The following CFAP299 variants were observed in gnomAD, a reference collection of about 807,000 sequenced individuals.
The protein encoded by CFAP299 is cilia- and flagella-associated protein 299.
In CFAP299, 21 loss-of-function variants were observed where a neutral mutation model predicts 27.0. That is an observed-to-expected ratio of 0.78 (90% confidence interval 0.55 to 1.12). The LOEUF is 1.12. CFAP299 is among the 50% of genes most tolerant of loss of function. CFAP299 has a pLI of 0.00. For synonymous variants in CFAP299, 104 were observed against 98.1 expected (o/e 1.06, Z -0.36); for missense variants, 310 against 276.6 (o/e 1.12, Z -0.86).
At chr4:80,733,346 G>A (rs1260527638) in intron 3 of CFAP299, among the ~76,000 whole-genome samples, 2 of 151,960 alleles carry the variant, frequency 1.3e-5, no homozygotes, top group African/African-American at 4.8e-5. Context: ...TTAATAGTTG[G>A]TGCATATATT....
chr4:80,783,785 C>T (rs895352284), intron 3 of CFAP299, among the ~76,000 whole-genome samples: 5 of 152,076 alleles, frequency 3.3e-5, no homozygotes, highest in South Asian at 2.1e-4. Context: ...TGTAATATTG[C>T]AACCTTGCTC....
At chr4:80,839,733 TG>T (rs1402233115) in intron 3 of CFAP299, among the ~76,000 whole-genome samples, 5 of 150,924 alleles carry the variant, frequency 3.3e-5, no homozygotes, top group African/African-American at 1.2e-4. Flanking sequence ...CAAACTTCTT[TG>T]AAAAAAAAAA....
intron 2 of CFAP299, among the ~76,000 whole-genome samples, chr4:80,368,065 T>A (rs1723933405): frequency 6.6e-6 from 1 of 152,192 alleles, no homozygotes; most frequent in Non-Finnish European, 1.5e-5. Flanking sequence ...AATTCACCCC[T>A]CTTAAAACTG....
chr4:80,658,506 T>C (rs562348421), intron 3 of CFAP299, among the ~76,000 whole-genome samples: 9 of 152,276 alleles, frequency 5.9e-5, no homozygotes, highest in South Asian at 4.1e-4. Flanking sequence ...GTTTTTGTCA[T>C]TGGTTTTGTT....
At chr4:80,858,032 G>T (rs1732038729) in intron 3 of CFAP299, among the ~76,000 whole-genome samples, 1 of 152,128 alleles carries the variant, frequency 6.6e-6, no homozygotes, top group South Asian at 2.1e-4. Context: ...GAATCCATCT[G>T]GTCCTGGACT....
intron 2 of CFAP299, among the ~76,000 whole-genome samples, chr4:80,404,235 T>TACAC (rs781293921): frequency 3.3e-5 from 5 of 151,302 alleles, no homozygotes; most frequent in Non-Finnish European, 7.4e-5. Flanking sequence ...TATATATATA[T>TACAC]ACACACACAC....
At chr4:80,386,596 G>A (rs1403109914) in intron 2 of CFAP299, 1 of 1,598,068 alleles carries the variant, frequency 6.3e-7, no homozygotes, top group Non-Finnish European at 8.6e-7. Context: ...GGTATTTGTG[G>A]CGGAAAAAGC....
chr4:80,642,793 T>G (rs917995080), intron 3 of CFAP299, among the ~76,000 whole-genome samples: 1 of 152,028 alleles, frequency 6.6e-6, no homozygotes, highest in African/African-American at 2.4e-5. Flanking sequence ...AAAATTTTTT[T>G]CAGCATATTG....
chr4:80,445,078 A>G (rs1728553480), intron 2 of CFAP299, among the ~76,000 whole-genome samples: 1 of 152,184 alleles, frequency 6.6e-6, no homozygotes, highest in South Asian at 2.1e-4. Context: ...TGTTGGTGGG[A>G]GTGTAAATTA....
intron 3 of CFAP299, among the ~76,000 whole-genome samples, chr4:80,689,337 G>A (rs1237442968): frequency 1.2e-4 from 19 of 152,144 alleles, no homozygotes; most frequent in Admixed American, 2.6e-4. Flanking sequence ...GACTAACAGC[G>A]GATCTCTCGG....
rs377272862 is a variant in CFAP299, at chr4:80,828,948, G to T, written c.334-41045G>T. Among the ~76,000 whole-genome samples, 11 of 151,988 alleles carry T rather than the reference G, an allele frequency of 7.2e-5. No homozygotes were observed. In the South Asian group the frequency reaches 1.9e-3, roughly 26 times the overall value. On this transcript the variant is annotated intron_variant, in intron 3 of 5. Coordinates refer to ENST00000358105, the MANE Select transcript of CFAP299 (RefSeq NM_152770.3). The stretch of plus-strand genomic sequence containing the variant: ...AAAAAAATTAACAAAATTGATCAAA[G>T]ACCTAAATGTAAGAGCTAAAATTAT...
At chr4:80,335,726 T>G (rs1178491591), upstream of CFAP299, 5 of 1,222,468 alleles carry the variant, frequency 4.1e-6, no homozygotes, top group Non-Finnish European at 6.1e-6. Context: ...GACCCTGCCC[T>G]CCTGCTTCCG....
At position 80,390,867 on chromosome 4, in the gene CFAP299, G is replaced by GTATATA. The variant is rs1560543878; in HGVS notation, c.242+27983_242+27984insTATATA. Among the ~76,000 whole-genome samples the GTATATA allele has an allele frequency of 1.7e-3, 120 of 70,574 alleles. 1 individual carries two copies. The highest frequency in any genetic ancestry group is 4.4e-3 in the African/African-American group (76 of 17,254). 46.3% of individuals were successfully genotyped at this position (70,574 alleles called of 152,430 possible). A position where few individuals can be genotyped will look rare whatever the true frequency, so the allele number is the denominator to read the frequency against. On this transcript the variant is annotated intron_variant, in intron 2 of 5. Transcript: ENST00000358105. ...TACACATATATGTATATGTATATGC[G>GTATATA]CACATATATGTATATATGTATATAC... is the stretch of plus-strand genomic sequence containing the variant.
chr4:80,852,129 C>T (rs572955545), intron 3 of CFAP299, among the ~76,000 whole-genome samples: 1 of 152,268 alleles, frequency 6.6e-6, no homozygotes, highest in East Asian at 1.9e-4. Context: ...CCCGCCTTCT[C>T]TTCCCTTTTC....
chr4:80,859,347 G>A (rs1732157488), intron 3 of CFAP299, among the ~76,000 whole-genome samples: 1 of 152,110 alleles, frequency 6.6e-6, no homozygotes, highest in Non-Finnish European at 1.5e-5. Flanking sequence ...ACACTGATGG[G>A]TCTTGACTCT....
intron 3 of CFAP299, among the ~76,000 whole-genome samples, chr4:80,593,141 A>G (rs920381257): frequency 4.6e-5 from 7 of 152,144 alleles, no homozygotes; most frequent in Non-Finnish European, 8.8e-5. Flanking sequence ...GGCAGGTGCT[A>G]TTCTTTGGAC....
chr4:80,763,390 C>T (rs1476268102), intron 3 of CFAP299, among the ~76,000 whole-genome samples: 1 of 152,140 alleles, frequency 6.6e-6, no homozygotes, highest in Non-Finnish European at 1.5e-5. Flanking sequence ...AGAAACACAA[C>T]TTAAAAGGGA....
intron 3 of CFAP299, among the ~76,000 whole-genome samples, chr4:80,622,514 C>A (rs940100311): frequency 2.0e-5 from 3 of 152,154 alleles, no homozygotes; most frequent in South Asian, 2.1e-4. Flanking sequence ...CTATAGGCAT[C>A]TTTTCTAAAA....
chr4:80,697,209 T>C (rs772960204), intron 3 of CFAP299, among the ~76,000 whole-genome samples: 98 of 151,974 alleles, frequency 6.4e-4, no homozygotes, highest in Admixed American at 8.5e-4. Context: ...ATTCTACTTA[T>C]CAGAAAAACA....
Sources: allele counts gnomAD v4.1 joint callset (sites outside exome capture counted in the v4.1 genomes callset), GRCh38; gene constraint gnomAD v4.1.1; transcripts MANE v1.5; gene names NCBI Gene and HGNC (gene_info 2026-07-23, HGNC 2026-07-21).